Variants in AKAP19 observed in about 807,000 individuals in gnomAD.
The protein encoded by AKAP19 is small A-kinase anchoring protein.
At chr2:189,933,286 T>TG in the AKAP19 span, among the ~76,000 whole-genome samples, 1 of 151,966 alleles carries the variant, frequency 6.6e-6, no homozygotes, top group Admixed American at 6.6e-5. Flanking sequence ...GATGTGAGAG[T>TG]GGGGGCAGAA....
chr2:190,096,734 C>T, the AKAP19 span, among the ~76,000 whole-genome samples: 1 of 152,182 alleles, frequency 6.6e-6, no homozygotes, highest in African/African-American at 2.4e-5. Flanking sequence ...TCTCACAGTT[C>T]TGGAGGCTGG....
At chr2:189,993,193 T>C in the AKAP19 span, among the ~76,000 whole-genome samples, 2 of 152,200 alleles carry the variant, frequency 1.3e-5, no homozygotes, top group African/African-American at 4.8e-5. Flanking sequence ...ATATCCCTTC[T>C]ATGCGGATTT....
chr2:190,146,699 A>T, the AKAP19 span, among the ~76,000 whole-genome samples: 47 of 152,320 alleles, frequency 3.1e-4, 1 homozygote, highest in South Asian at 9.5e-3. Flanking sequence ...TCATTCTTGC[A>T]GGAGTAAGGT....
At chr2:190,136,048 C>T in the AKAP19 span, among the ~76,000 whole-genome samples, 7 of 152,086 alleles carry the variant, frequency 4.6e-5, no homozygotes, top group East Asian at 1.9e-4. Context: ...TAGTAGACAC[C>T]GATGTATTTA....
At chr2:189,914,079 G>T in the AKAP19 span, among the ~76,000 whole-genome samples, 1 of 152,136 alleles carries the variant, frequency 6.6e-6, no homozygotes, top group African/African-American at 2.4e-5. Flanking sequence ...AACAGATGCA[G>T]AAAGTAATGG....
the AKAP19 span, among the ~76,000 whole-genome samples, chr2:190,022,394 A>C: frequency 6.6e-6 from 1 of 152,284 alleles, no homozygotes; most frequent in South Asian, 2.1e-4. Context: ...CATGCACCCT[A>C]CCCAAATATC....
chr2:189,906,586 C>G, the AKAP19 span, among the ~76,000 whole-genome samples: 1 of 152,098 alleles, frequency 6.6e-6, no homozygotes, highest in Non-Finnish European at 1.5e-5. Context: ...AAGAACAAGA[C>G]TGTGTGTACA....
At chr2:190,027,635 G>A in the AKAP19 span, among the ~76,000 whole-genome samples, 2 of 152,146 alleles carry the variant, frequency 1.3e-5, no homozygotes, top group South Asian at 4.1e-4. Flanking sequence ...ATATGTAAGT[G>A]CAATAAGTAT....
At chr2:190,071,484 G>A in the AKAP19 span, among the ~76,000 whole-genome samples, 1 of 152,126 alleles carries the variant, frequency 6.6e-6, no homozygotes, top group Non-Finnish European at 1.5e-5. Flanking sequence ...TAGCCAAGGA[G>A]CAATAGGCTA....
the AKAP19 span, among the ~76,000 whole-genome samples, chr2:190,074,153 C>A: frequency 6.6e-6 from 1 of 152,090 alleles, no homozygotes; most frequent in Admixed American, 6.5e-5. Flanking sequence ...TAAACCAAAC[C>A]AAATTTAAAA....
the AKAP19 span, among the ~76,000 whole-genome samples, chr2:189,974,278 G>A: frequency 6.6e-6 from 1 of 152,180 alleles, no homozygotes; most frequent in Non-Finnish European, 1.5e-5. Context: ...TTTCCATGTA[G>A]TTGAACGGTT....
the AKAP19 span, chr2:190,181,455 A>G: frequency 6.6e-6 from 1 of 152,270 alleles, no homozygotes; most frequent in Non-Finnish European, 1.5e-5. Flanking sequence ...CCAAGCTGTC[A>G]GGCTTGTGCT....
chr2:190,176,736 C>G, the AKAP19 span, among the ~76,000 whole-genome samples: 1 of 152,324 alleles, frequency 6.6e-6, no homozygotes, highest in East Asian at 1.9e-4. This position sits in a 1 kb window ranked among gnomAD's most constrained non-coding sequence, Gnocchi z 4.7. Context: ...AGAATCAATA[C>G]ACCATTTCTG....
the AKAP19 span, among the ~76,000 whole-genome samples, chr2:189,976,677 C>T: frequency 6.6e-5 from 10 of 152,318 alleles, no homozygotes; most frequent in Admixed American, 3.3e-4. Context: ...TCAGCAATGG[C>T]GGGCGCCCCT....
At chr2:189,993,811 G>A in the AKAP19 span, among the ~76,000 whole-genome samples, 1 of 152,004 alleles carries the variant, frequency 6.6e-6, no homozygotes, top group Non-Finnish European at 1.5e-5. Context: ...GTTCATAGTG[G>A]TCTTGAATGA....
At chr2:190,021,902 G>T in the AKAP19 span, among the ~76,000 whole-genome samples, 1 of 152,098 alleles carries the variant, frequency 6.6e-6, no homozygotes, top group African/African-American at 2.4e-5. Context: ...TTACATTACG[G>T]AGGCCAAGAA....
chr2:190,157,765 T>G, the AKAP19 span, among the ~76,000 whole-genome samples: 1 of 152,156 alleles, frequency 6.6e-6, no homozygotes, highest in Non-Finnish European at 1.5e-5. Flanking sequence ...TCTCTAGAAC[T>G]CAAAACAAAT....
chr2:189,981,881 G>C, the AKAP19 span, among the ~76,000 whole-genome samples: 1 of 152,102 alleles, frequency 6.6e-6, no homozygotes, highest in Non-Finnish European at 1.5e-5. Flanking sequence ...CTGTTAGTCT[G>C]ACAAGATTTC....
At chr2:189,933,072 G>A in the AKAP19 span, among the ~76,000 whole-genome samples, 2 of 152,282 alleles carry the variant, frequency 1.3e-5, no homozygotes, top group East Asian at 3.9e-4. Flanking sequence ...AATTTGGGCA[G>A]ATACTCAGTA....
Sources: allele counts gnomAD v4.1 joint callset (sites outside exome capture counted in the v4.1 genomes callset), GRCh38; gene constraint gnomAD v4.1.1; non-coding constraint Gnocchi (gnomAD v3.1); transcripts MANE v1.5; gene names NCBI Gene and HGNC (gene_info 2026-07-23, HGNC 2026-07-21).